Variants in CCDC91 observed in about 807,000 individuals in gnomAD.
CCDC91 encodes the protein coiled-coil domain-containing protein 91.
Under a neutral mutation model 63.2 loss-of-function variants are expected in CCDC91, and 48 were observed. The ratio of observed to expected loss-of-function variants is 0.76; its 90% confidence interval spans 0.60 to 0.97. The LOEUF (loss-of-function observed/expected upper bound fraction) is 0.97, where lower values mean the gene tolerates loss of function less well. Ranked by LOEUF, CCDC91 falls within the 50% of genes least tolerant of loss-of-function variation. CCDC91 has a pLI of 0.00. For synonymous variants in CCDC91, 167 were observed against 165.8 expected (o/e 1.01, Z -0.06); for missense variants, 500 against 494.6 (o/e 1.01, Z -0.10).
intron 8 of CCDC91, among the ~76,000 whole-genome samples, chr12:28,432,091 T>C (rs1440213395): frequency 6.6e-6 from 1 of 152,106 alleles, no homozygotes; most frequent in East Asian, 1.9e-4. Context: ...TTAAATTTAA[T>C]TTAATTTTAA....
chr12:28,512,408 G>T (rs1403339895), intron 12 of CCDC91, among the ~76,000 whole-genome samples: 3 of 151,712 alleles, frequency 2.0e-5, no homozygotes, highest in Non-Finnish European at 2.9e-5. Context: ...CTTTTTCAAT[G>T]CCATTGACTC....
At chr12:28,435,761 G>A (rs1420020341) in intron 8 of CCDC91, among the ~76,000 whole-genome samples, 1 of 151,698 alleles carries the variant, frequency 6.6e-6, no homozygotes, top group African/African-American at 2.4e-5. Context: ...AGTTCTATCA[G>A]CTTTTTCTCC....
At chr12:28,422,122 A>C (rs1478958107) in intron 8 of CCDC91, among the ~76,000 whole-genome samples, 1 of 152,142 alleles carries the variant, frequency 6.6e-6, no homozygotes, top group Admixed American at 6.6e-5. Context: ...CTTTAATGTA[A>C]ATCATTGATT....
intron 7 of CCDC91, among the ~76,000 whole-genome samples, chr12:28,374,346 A>T (rs1488368666): frequency 3.9e-5 from 6 of 152,148 alleles, no homozygotes; most frequent in Non-Finnish European, 2.9e-5. Context: ...ACCTCAACCC[A>T]TGGATCTTTG....
At chr12:28,528,910 A>C (rs1342294762) in intron 12 of CCDC91, among the ~76,000 whole-genome samples, 1 of 152,226 alleles carries the variant, frequency 6.6e-6, no homozygotes, top group Non-Finnish European at 1.5e-5. Context: ...CTATGCATCC[A>C]TTAAAAGAAT....
intron 12 of CCDC91, among the ~76,000 whole-genome samples, chr12:28,498,142 T>C (rs1436820381): frequency 6.6e-6 from 1 of 151,680 alleles, no homozygotes; most frequent in Non-Finnish European, 1.5e-5. Context: ...TCATAGTTAG[T>C]AAAAATCTCT....
intron 6 of CCDC91, among the ~76,000 whole-genome samples, chr12:28,308,800 A>G (rs887966985): frequency 2.6e-5 from 4 of 151,906 alleles, no homozygotes; most frequent in African/African-American, 9.7e-5. Flanking sequence ...CAAATTATAT[A>G]TTTACTTGTT....
intron 11 of CCDC91, among the ~76,000 whole-genome samples, chr12:28,463,666 G>C (rs933947664): frequency 2.0e-4 from 31 of 152,168 alleles, no homozygotes; most frequent in African/African-American, 7.0e-4. Flanking sequence ...TCTAAGACTT[G>C]ACATTTTGGT....
intron 12 of CCDC91, among the ~76,000 whole-genome samples, chr12:28,536,832 T>G (rs1306709054): frequency 6.6e-6 from 1 of 152,188 alleles, no homozygotes; most frequent in Non-Finnish European, 1.5e-5. Context: ...TTAAATACCT[T>G]TTTGTTCCAG....
intron 3 of CCDC91, among the ~76,000 whole-genome samples, chr12:28,279,747 T>G (rs1301736333): frequency 2.0e-5 from 3 of 152,086 alleles, no homozygotes; most frequent in Non-Finnish European, 4.4e-5. Flanking sequence ...ACTAGCACAT[T>G]ATAAGTTTTG....
chr12:28,435,920 T>G (rs2140144020), intron 8 of CCDC91, among the ~76,000 whole-genome samples: 1 of 151,918 alleles, frequency 6.6e-6, no homozygotes, highest in South Asian at 2.1e-4. Context: ...ATATAGCTAG[T>G]CTGTCTTTCT....
At chr12:28,537,254 C>T (rs1479288422) in intron 12 of CCDC91, among the ~76,000 whole-genome samples, 1 of 152,118 alleles carries the variant, frequency 6.6e-6, no homozygotes, top group Non-Finnish European at 1.5e-5. Context: ...CTTGCCAATG[C>T]AAGTTAAACA....
chr12:28,403,279 C>T (rs766982487), intron 8 of CCDC91, among the ~76,000 whole-genome samples: 1 of 152,108 alleles, frequency 6.6e-6, no homozygotes, highest in South Asian at 2.1e-4. Context: ...GGGCCAGGTG[C>T]TTTCTGTTTG....
intron 12 of CCDC91, among the ~76,000 whole-genome samples, chr12:28,517,562 A>T (rs1264446664): frequency 6.6e-6 from 1 of 151,994 alleles, no homozygotes; most frequent in East Asian, 1.9e-4. Context: ...ACATATTCAC[A>T]CAATAGAGTT....
At chr12:28,305,245 A>T (rs1265043868) in intron 3 of CCDC91, among the ~76,000 whole-genome samples, 1 of 151,996 alleles carries the variant, frequency 6.6e-6, no homozygotes, top group African/African-American at 2.4e-5. Flanking sequence ...AATGCCTGTG[A>T]CTGGCACTGG....
At chr12:28,237,098 G>A (rs1321598025) in intron 1 of CCDC91, among the ~76,000 whole-genome samples, 1 of 151,908 alleles carries the variant, frequency 6.6e-6, no homozygotes, top group Non-Finnish European at 1.5e-5. Flanking sequence ...TTTTGTTTGT[G>A]TATCTCATAT....
intron 8 of CCDC91, among the ~76,000 whole-genome samples, chr12:28,432,703 G>A (rs891259596): frequency 1.2e-4 from 18 of 152,068 alleles, no homozygotes; most frequent in African/African-American, 4.1e-4. Context: ...GTTTTTTGTG[G>A]ACATGAGTTT....
intron 3 of CCDC91, among the ~76,000 whole-genome samples, chr12:28,288,753 A>C (rs1048948780): frequency 6.6e-6 from 1 of 152,204 alleles, no homozygotes; most frequent in Non-Finnish European, 1.5e-5. Context: ...TTTCAGTAGG[A>C]ATAGTACCAG....
At chr12:28,219,050 A>T (rs1592017938) in intron 1 of CCDC91, among the ~76,000 whole-genome samples, 1 of 152,190 alleles carries the variant, frequency 6.6e-6, no homozygotes, top group South Asian at 2.1e-4. Flanking sequence ...TGGCTGTATC[A>T]GTTTACATTC....
Sources: gnomAD v4.1 joint callset for allele counts (sites outside exome capture counted in the v4.1 genomes callset) on GRCh38, gnomAD v4.1.1 for gene constraint, MANE v1.5 for transcripts, NCBI Gene and HGNC (gene_info 2026-07-23, HGNC 2026-07-21) for gene names.